The following SPRR2F variants were observed in gnomAD, a reference collection of about 807,000 sequenced individuals.
SPRR2F encodes small proline rich protein 2F.
In SPRR2F, 2 loss-of-function variants were observed where a neutral mutation model predicts 0.8. That is an observed-to-expected ratio of 2.52 (90% CI 1.03 to 7.95). SPRR2F has a LOEUF of 7.95. SPRR2F is among the 30% of genes most tolerant of loss of function. The probability of loss-of-function intolerance (pLI) is 0.04; values close to 1 mark genes in which losing one functional copy is unlikely to be tolerated. For synonymous variants in SPRR2F, 39 were observed against 33.4 expected (o/e 1.17, Z -0.58); for missense variants, 80 against 85.8 (o/e 0.93, Z 0.27).
Position 153,112,667 on chromosome 1 carries a change from A to G in SPRR2F, c.67T>C (p.Cys23Arg), listed in dbSNP as rs1381604876. ...TTCGGGGGTGGACATGGCTCTGGGC[A>G]CTTTGGCGCGGGGCACACAGGAGGT... Reference protein sequence around the residue: ...QPPPVCPAPKCPEPCPPPKCP... With the variant: ...QPPPVCPAPKRPEPCPPPKCP... Residue 23 changes from cysteine to arginine, a missense_variant, in exon 2 of 2, where the codon TGC becomes CGC. Cys to Arg is a radical substitution (Grantham distance 180). Transcript: ENST00000468739. The G allele has an allele frequency of 1.2e-6, 2 of 1,612,284 alleles. No individual in the cohort carries two copies. Among genetic ancestry groups the G allele is most frequent in the African/African-American group, 2.7e-5 (2 of 74,820 alleles).
upstream of SPRR2F, among the ~76,000 whole-genome samples, chr1:153,115,680 TAC>T (rs542424708): frequency 6.6e-6 from 1 of 151,944 alleles, no homozygotes. Context: ...AGGCATACTT[TAC>T]ACACACACAC....
chr1:153,115,998 C>T (rs1206833630), upstream of SPRR2F, among the ~76,000 whole-genome samples: 1 of 152,226 alleles, frequency 6.6e-6, no homozygotes, highest in East Asian at 1.9e-4. Flanking sequence ...CATTTTACAC[C>T]ATTAAACAAA....
At chr1:153,114,606 C>A (rs1417192997), upstream of SPRR2F, among the ~76,000 whole-genome samples, 1 of 152,104 alleles carries the variant, frequency 6.6e-6, no homozygotes, top group African/African-American at 2.4e-5. Flanking sequence ...AATATGTATT[C>A]TTCCCCTCTG....
chr1:153,118,416 C>T (rs1242038634), upstream of SPRR2F, among the ~76,000 whole-genome samples: 9 of 152,000 alleles, frequency 5.9e-5, no homozygotes, highest in African/African-American at 2.2e-4. Flanking sequence ...GAGAGCCACA[C>T]GGAGGCACAT....
chr1:153,116,315 T>C (rs1309975845), upstream of SPRR2F, among the ~76,000 whole-genome samples: 1 of 152,210 alleles, frequency 6.6e-6, no homozygotes, highest in Non-Finnish European at 1.5e-5. Flanking sequence ...CATTTTAACA[T>C]TTATGTATGA....
upstream of SPRR2F, among the ~76,000 whole-genome samples, chr1:153,117,299 G>A (rs568695334): frequency 6.6e-6 from 1 of 151,942 alleles, no homozygotes; most frequent in African/African-American, 2.4e-5. Context: ...TAATTTAATT[G>A]TTCTTAGTTA....
chr1:153,112,558 G>A lies in SPRR2F; in HGVS notation c.176C>T (p.Pro59Leu). The A allele has an allele frequency of 1.2e-6, 2 of 1,613,064 alleles. No homozygotes were observed. Among genetic ancestry groups the A allele is most frequent in the Non-Finnish European group, 1.7e-6 (2 of 1,179,846 alleles). The change falls in exon 2 of 2, where the codon CCT becomes CTT. Residue 59 changes from proline to leucine, a missense_variant. Pro to Leu is a moderately conservative substitution (Grantham distance 98). Coordinates refer to ENST00000468739, the MANE Select transcript of SPRR2F (RefSeq NM_001014450.3). ...ACACTTTGGCTGGCAGGGTGGGGAA[G>A]GTGTCACAGGAGGACATTTCTGCTG... ...QCQQKCPPVTPSPPCQPKCPP... is the reference protein window; with the variant it reads ...QCQQKCPPVTLSPPCQPKCPP...
upstream of SPRR2F, among the ~76,000 whole-genome samples, chr1:153,115,637 A>G (rs1655708448): frequency 6.6e-6 from 1 of 152,154 alleles, no homozygotes; most frequent in East Asian, 1.9e-4. Flanking sequence ...AGCTTCCCCA[A>G]GTTAGGACAT....
At chr1:153,117,866 C>T (rs1655748177), upstream of SPRR2F, among the ~76,000 whole-genome samples, 1 of 151,880 alleles carries the variant, frequency 6.6e-6, no homozygotes, top group Non-Finnish European at 1.5e-5. Flanking sequence ...GTAAACCGGA[C>T]AAAATTGTGA....
Position 153,112,493 on chromosome 1 carries a change from C to G in SPRR2F, c.*22G>C. 1 of 1,604,732 alleles carries G rather than the reference C, an allele frequency of 6.2e-7. No individual in the cohort carries two copies. Among genetic ancestry groups the G allele is most frequent in the Non-Finnish European group, 8.5e-7 (1 of 1,176,056 alleles). ...AGCCAATTATCCTTATCCTTTCATG[C>G]TCCTGATGAATCCTGAAGCTGTTAC... On this transcript the variant is annotated 3_prime_UTR_variant, in exon 2 of 2. Coordinates refer to ENST00000468739, the MANE Select transcript of SPRR2F (RefSeq NM_001014450.3).
upstream of SPRR2F, among the ~76,000 whole-genome samples, chr1:153,115,293 T>C (rs58093379): frequency 0.053 from 8,019 of 152,248 alleles, 658 homozygotes; most frequent in East Asian, 0.36. Flanking sequence ...AATAGGTCAC[T>C]TACTACTCCC....
At chr1:153,115,999 A>T (rs144463354), upstream of SPRR2F, among the ~76,000 whole-genome samples, 20 of 152,342 alleles carry the variant, frequency 1.3e-4, no homozygotes, top group East Asian at 3.7e-3. Flanking sequence ...ATTTTACACC[A>T]TTAAACAAAA....
Position 153,112,564 on chromosome 1 carries a change from A to G in SPRR2F, c.170T>C (p.Val57Ala). The G allele has an allele frequency of 6.2e-7, 1 of 1,613,056 alleles. No individual in the cohort carries two copies. Among genetic ancestry groups the G allele is most frequent in the Non-Finnish European group, 8.5e-7 (1 of 1,179,836 alleles). Residue 57 changes from valine to alanine, a missense_variant, in exon 2 of 2, where the codon GTG becomes GCG. Val to Ala is a moderately conservative substitution (Grantham distance 64). Transcript: ENST00000468739. The stretch of plus-strand genomic sequence containing the variant: ...TGGCTGGCAGGGTGGGGAAGGTGTC[A>G]CAGGAGGACATTTCTGCTGGCACTG... The part of the protein sequence containing the change: ...PQQCQQKCPP[V>A]TPSPPCQPKC...
At chr1:153,114,138 C>T (rs1222637779), upstream of SPRR2F, among the ~76,000 whole-genome samples, 1 of 151,180 alleles carries the variant, frequency 6.6e-6, no homozygotes, top group Admixed American at 6.6e-5. Context: ...ATCTGCTGAC[C>T]CTGTTCAAGC....
rs1557922235 is a variant in SPRR2F, at chr1:153,112,166, CTGCACAGGTGG to C, written c.*338_*348del. ...TCAGGGAGTGAAAGGAAAGTGACAA[CTGCACAGGTGG>C]TGGAAGCTCATGCCCAGGGGACAGA... On this transcript the variant is annotated 3_prime_UTR_variant, in exon 2 of 2. Transcript: ENST00000468739. 1 of 373,100 alleles carries C rather than the reference CTGCACAGGTGG, an allele frequency of 2.7e-6. No homozygotes were observed. The highest frequency in any genetic ancestry group is 4.8e-6 in the Non-Finnish European group (1 of 208,606). 23.1% of individuals were successfully genotyped at this position (373,100 alleles called of 1,614,324 possible).
At position 153,112,185 on chromosome 1, in the gene SPRR2F, T is replaced by C; in HGVS notation, c.*330A>G. On this transcript the variant is annotated 3_prime_UTR_variant, in exon 2 of 2. Transcript: ENST00000468739. ...TGACAACTGCACAGGTGGTGGAAGCTCATGCCCAGGGGACAGACAGACACA... is the reference window on the plus strand; with the variant it reads ...TGACAACTGCACAGGTGGTGGAAGCCCATGCCCAGGGGACAGACAGACACA... The C allele has an allele frequency of 2.5e-6, 1 of 404,914 alleles. No homozygotes were observed. Among genetic ancestry groups the C allele is most frequent in the Non-Finnish European group, 4.4e-6 (1 of 229,400 alleles). The allele number at this position is 404,914 out of a possible 1,614,324, so 25.1% of individuals were successfully genotyped here. A position where few individuals can be genotyped will look rare whatever the true frequency, so the allele number is the denominator to read the frequency against.
rs1044190467 is a variant in SPRR2F, at chr1:153,112,510, A to G, written c.*5T>C. 6.2e-7 allele frequency: 1 copy of G among 1,610,672 alleles called. No individual in the cohort carries two copies. The highest frequency in any genetic ancestry group is 1.3e-5 in the African/African-American group (1 of 74,978). ...CTTTCATGCTCCTGATGAATCCTGA[A>G]GCTGTTACTTGCTCTTGGGTGGACA... On this transcript the variant is annotated 3_prime_UTR_variant, in exon 2 of 2. Coordinates refer to ENST00000468739, the MANE Select transcript of SPRR2F (RefSeq NM_001014450.3).
At position 153,113,508 on chromosome 1, in the gene SPRR2F, A is replaced by G. The variant is rs1187309031; in HGVS notation, c.-54T>C. The G allele has an allele frequency of 2.0e-5, 3 of 152,334 alleles. No individual in the cohort carries two copies. Among genetic ancestry groups the G allele is most frequent in the Admixed American group, 6.5e-5 (1 of 15,288 alleles). The allele number at this position is 152,334 out of a possible 1,614,324, so 9.4% of individuals were successfully genotyped here. A position where few individuals can be genotyped will look rare whatever the true frequency, so the allele number is the denominator to read the frequency against. ...CAAGGCAGATCGGTGCTTAGGTACCAGGAGTTTAGGAGTCGTGCAGCAGAA... is the reference window on the plus strand; with the variant it reads ...CAAGGCAGATCGGTGCTTAGGTACCGGGAGTTTAGGAGTCGTGCAGCAGAA... On this transcript the variant is annotated 5_prime_UTR_variant, in exon 1 of 2. Transcript: ENST00000468739.
Position 153,112,847 on chromosome 1 carries a change from T to G in SPRR2F, c.-19-95A>C, listed in dbSNP as rs1264749359. 5 of 1,539,814 alleles carry G rather than the reference T, an allele frequency of 3.2e-6. No homozygotes were observed. The East Asian group carries it at 1.2e-4, about 36-fold the overall frequency. On this transcript the variant is annotated intron_variant, in intron 1 of 1. Coordinates refer to ENST00000468739, the MANE Select transcript of SPRR2F (RefSeq NM_001014450.3). ...ATACCATGGCATATTATTTCTCCAA[T>G]CTCCAAGAAATTATTTAAACTCTTA...
Sources: allele counts gnomAD v4.1 joint callset (sites outside exome capture counted in the v4.1 genomes callset), GRCh38; gene constraint gnomAD v4.1.1; transcripts MANE v1.5; gene names NCBI Gene and HGNC (gene_info 2026-07-23, HGNC 2026-07-21).